Variants in SP140 observed in about 807,000 individuals in gnomAD.
SP140 encodes nuclear body protein SP140.
In SP140, 81 loss-of-function variants were observed where a neutral mutation model predicts 125.0. That is an observed-to-expected ratio of 0.65 (90% CI 0.54 to 0.78). The LOEUF (loss-of-function observed/expected upper bound fraction) is 0.78. Ranked by LOEUF, SP140 falls within the 30% of genes least tolerant of loss-of-function variation. The pLI is 0.00. For missense variants in SP140, 858 were observed against 1,037.0 expected (o/e 0.83, Z 2.37); for synonymous variants, 312 against 354.0 (o/e 0.88, Z 1.33).
At chr2:230,225,034 A>G (rs2046160024), upstream of SP140, among the ~76,000 whole-genome samples, 1 of 152,178 alleles carries the variant, frequency 6.6e-6, no homozygotes, top group Non-Finnish European at 1.5e-5. Flanking sequence ...TAATACAGCT[A>G]TCCTCCTGTA....
intron 18 of SP140, among the ~76,000 whole-genome samples, chr2:230,288,849 T>A (rs895156260): frequency 6.6e-6 from 1 of 152,202 alleles, no homozygotes; most frequent in Non-Finnish European, 1.5e-5. Context: ...TGTGCCACAT[T>A]TTCTTTATCC....
chr2:230,205,529 C>T (rs562961875), intron 1 of SP140, among the ~76,000 whole-genome samples: 8 of 152,186 alleles, frequency 5.3e-5, no homozygotes, highest in African/African-American at 1.9e-4. Context: ...TCTTTCCTTC[C>T]CCCAGCCAGG....
At chr2:230,230,768 C>T (rs905593615) in intron 1 of SP140, among the ~76,000 whole-genome samples, 7 of 152,118 alleles carry the variant, frequency 4.6e-5, no homozygotes, top group African/African-American at 1.7e-4. Flanking sequence ...TGATGAGTTT[C>T]CTGAATCTGT....
intron 12 of SP140, among the ~76,000 whole-genome samples, chr2:230,268,398 C>T (rs1029451550): frequency 6.6e-6 from 1 of 151,942 alleles, no homozygotes; most frequent in African/African-American, 2.4e-5. Context: ...GTGGCAGGCA[C>T]CTGTAATCCC....
At chr2:230,192,050 T>C in the SP140 span, among the ~76,000 whole-genome samples, 1 of 152,242 alleles carries the variant, frequency 6.6e-6, no homozygotes, top group Non-Finnish European at 1.5e-5. Flanking sequence ...ATTATCTTGA[T>C]AGATGCAGAA....
downstream of SP140, among the ~76,000 whole-genome samples, chr2:230,314,844 C>T (rs533971128): frequency 3.9e-4 from 60 of 152,356 alleles, 1 homozygote; most frequent in Admixed American, 3.1e-3. Context: ...CTGCCCCCTG[C>T]AAGCTGGAAT....
chr2:230,281,177 A>G (rs1456280920), intron 15 of SP140, among the ~76,000 whole-genome samples: 4 of 152,218 alleles, frequency 2.6e-5, no homozygotes, highest in Non-Finnish European at 5.9e-5. Context: ...TTAAGCATAC[A>G]GAAGACTTGG....
At chr2:230,315,392 C>T (rs749874129), downstream of SP140, among the ~76,000 whole-genome samples, 4 of 152,098 alleles carry the variant, frequency 2.6e-5, no homozygotes, top group Non-Finnish European at 5.9e-5. Context: ...AGTACAATGT[C>T]AGAGTTGATG....
At chr2:230,305,750 AG>A (rs1376144353) in intron 22 of SP140, among the ~76,000 whole-genome samples, 1 of 152,216 alleles carries the variant, frequency 6.6e-6, no homozygotes, top group Non-Finnish European at 1.5e-5. Context: ...TCCAGGACCC[AG>A]CCAGCAATGC....
rs1430881424 is a variant in SP140, at chr2:230,288,501, CTTTCTTTCTTTCTTTCT to C, written c.1720+538_1720+554del. On this transcript the variant is annotated intron_variant, in intron 18 of 26. Transcript: ENST00000392045. Reference sequence around the variant, plus strand: ...TCTTTCTTTCTTTCTTTCTTTCTTTCTTTCTTTCTTTCTTTCTTTCTTTTTTTATTCTTTAAGTTCTG... The same window carrying C: ...TCTTTCTTTCTTTCTTTCTTTCTTTCTTCTTTTTTTATTCTTTAAGTTCTG... 1.9e-3 allele frequency among the ~76,000 whole-genome samples: 231 copies of C among 119,240 alleles called. 2 individuals are homozygous for C. The highest frequency in any genetic ancestry group is 6.7e-3 in the African/African-American group (213 of 31,802). The allele number at this position is 119,240 out of a possible 152,430, so 78.2% of individuals were successfully genotyped here. A position where few individuals can be genotyped will look rare whatever the true frequency, so the allele number is the denominator to read the frequency against.
At chr2:230,201,849 A>T (rs2043212346), upstream of SP140, among the ~76,000 whole-genome samples, 1 of 152,228 alleles carries the variant, frequency 6.6e-6, no homozygotes, top group African/African-American at 2.4e-5. Flanking sequence ...TTACATTACA[A>T]CTAATATTTA....
rs200482643 is a variant in SP140 at position 230,255,546 on chromosome 2, G to T, written c.1240+14G>T. The T allele has an allele frequency of 5.3e-4, 857 of 1,611,280 alleles. 7 individuals carry two copies. Among genetic ancestry groups the T allele is most frequent in the South Asian group, 1.0e-3 (91 of 90,960 alleles). ...GACGTGGGTCAGGTAAGGACGGGGG[G>T]GGGGATTTCTGGCCCTGGGCTGCAG... On this transcript the variant is annotated intron_variant, in intron 12 of 26. Coordinates refer to ENST00000392045, the MANE Select transcript of SP140 (RefSeq NM_007237.5).
chr2:230,205,549 C>A (rs1182910564), intron 1 of SP140, among the ~76,000 whole-genome samples: 1 of 152,100 alleles, frequency 6.6e-6, no homozygotes, highest in Non-Finnish European at 1.5e-5. Context: ...GATGTAACCT[C>A]CATGAGCTTT....
At chr2:230,271,787 A>G (rs2053968743) in intron 15 of SP140, among the ~76,000 whole-genome samples, 1 of 152,172 alleles carries the variant, frequency 6.6e-6, no homozygotes, top group Non-Finnish European at 1.5e-5. Context: ...TGATAAAATG[A>G]GGAGATTCAC....
chr2:230,208,098 G>A (rs1345465072), intron 1 of SP140: 2 of 1,124,468 alleles, frequency 1.8e-6, no homozygotes, highest in African/African-American at 1.5e-5. Context: ...TACAAACATT[G>A]ATCTCCCAAT....
At chr2:230,302,666 C>G (rs984883607) in intron 22 of SP140, among the ~76,000 whole-genome samples, 19 of 152,196 alleles carry the variant, frequency 1.2e-4, no homozygotes, top group African/African-American at 4.6e-4. Context: ...GGCCACATAA[C>G]AAGTCTCAAC....
rs191514465 is a variant in SP140 at position 230,290,706 on chromosome 2, G to A, written c.1825+142G>A. The A allele has an allele frequency of 6.9e-4, 464 of 675,884 alleles. 2 individuals carry two copies. Among genetic ancestry groups the A allele is most frequent in the Middle Eastern group, 3.0e-3 (12 of 3,986 alleles). 41.9% of individuals were successfully genotyped at this position (675,884 alleles called of 1,614,324 possible). ...GGAAGGAGGAAGGGATTTCTAAGAT[G>A]ACGTTTACAGACTTTAAGAAATCGC... On this transcript the variant is annotated intron_variant, in intron 19 of 26. Transcript: ENST00000392045.
chr2:230,210,129 T>C, intron 1 of SP140: 1 of 766,300 alleles, frequency 1.3e-6, no homozygotes, highest in Non-Finnish European at 2.4e-6. Context: ...GGGAATCTGC[T>C]TGCCCTAAGA....
chr2:230,238,907 G>T (rs1174420875), intron 3 of SP140: 14 of 1,550,290 alleles, frequency 9.0e-6, no homozygotes, highest in Middle Eastern at 3.8e-4. Flanking sequence ...GTTGGTGGGG[G>T]CCTTTCCGAA....
Sources: gnomAD v4.1 joint callset for allele counts (sites outside exome capture counted in the v4.1 genomes callset) on GRCh38, gnomAD v4.1.1 for gene constraint, MANE v1.5 for transcripts, NCBI Gene and HGNC (gene_info 2026-07-23, HGNC 2026-07-21) for gene names.